Variants in TMEM181 observed in about 807,000 individuals in gnomAD.
The protein encoded by TMEM181 is G protein-coupled receptor 178.
A neutral mutation model predicts 71.9 loss-of-function variants in TMEM181; 39 were observed. The ratio of observed to expected loss-of-function variants is 0.54; its 90% CI spans 0.42 to 0.71. The LOEUF (loss-of-function observed/expected upper bound fraction) is 0.71, where lower values mean the gene tolerates loss of function less well. Among genes scored for constraint, TMEM181 ranks in the 30% least tolerant of loss-of-function variants. TMEM181 has a pLI of 0.00. For missense variants in TMEM181, 595 were observed against 583.0 expected (o/e 1.02, Z -0.21); for synonymous variants, 245 against 228.8 (o/e 1.07, Z -0.64).
In TMEM181 at chr6:158,635,136, GT is replaced by G. The variant is rs1398965144; in HGVS notation, c.*3249del. 1 of 152,140 alleles carries G rather than the reference GT, an allele frequency of 6.6e-6. No individual in the cohort carries two copies. Among genetic ancestry groups the G allele is most frequent in the African/African-American group, 2.4e-5 (1 of 41,434 alleles). 9.4% of individuals were successfully genotyped at this position (152,140 alleles called of 1,614,324 possible). A position where few individuals can be genotyped will look rare whatever the true frequency, so the allele number is the denominator to read the frequency against. The stretch of plus-strand genomic sequence containing the variant: ...TTGGTTTGACATTGGAGATACGCTA[GT>G]AACTGTGATACCATACTATAAAACA... On this transcript the variant is annotated 3_prime_UTR_variant, in exon 17 of 17. Transcript: ENST00000684151.
chr6:158,619,502 C>A (rs983500045), intron 10 of TMEM181, among the ~76,000 whole-genome samples: 1 of 152,162 alleles, frequency 6.6e-6, no homozygotes, highest in Non-Finnish European at 1.5e-5. Context: ...TCTGTCAACT[C>A]GTCAAAGTCA....
intron 1 of TMEM181, among the ~76,000 whole-genome samples, chr6:158,561,367 A>G (rs925372982): frequency 3.3e-5 from 5 of 152,248 alleles, no homozygotes; most frequent in African/African-American, 4.8e-5. Flanking sequence ...TTAAAAGCCA[A>G]GTGGAGGTAG....
chr6:158,594,119 T>C (rs1378984455), intron 6 of TMEM181, among the ~76,000 whole-genome samples: 1 of 121,634 alleles, frequency 8.2e-6, no homozygotes, highest in East Asian at 3.7e-4. Flanking sequence ...TTTTTTTTTT[T>C]TCTGAGACAG....
rs1414462789 is a variant in TMEM181, at chr6:158,632,541, T to G, written c.*653T>G. 1 of 152,478 alleles carries G rather than the reference T, an allele frequency of 6.6e-6. No homozygotes were observed. Among genetic ancestry groups the G allele is most frequent in the East Asian group, 1.9e-4 (1 of 5,190 alleles). 9.4% of individuals were successfully genotyped at this position (152,478 alleles called of 1,614,324 possible). On this transcript the variant is annotated 3_prime_UTR_variant, in exon 17 of 17. Transcript: ENST00000684151. ...AATAGTGTGGAGTTCTGAGGAGGGT[T>G]TGATAAGTTGAATAAGGAAAGGCTA...
intron 6 of TMEM181, among the ~76,000 whole-genome samples, chr6:158,603,112 A>G (rs1420983140): frequency 6.6e-6 from 1 of 152,188 alleles, no homozygotes; most frequent in African/African-American, 2.4e-5. Flanking sequence ...GTTTTCATCA[A>G]ATCGGAAACA....
chr6:158,577,032 A>T (rs1376549135), intron 2 of TMEM181, among the ~76,000 whole-genome samples: 1 of 145,336 alleles, frequency 6.9e-6, no homozygotes, highest in South Asian at 2.2e-4. Flanking sequence ...ACTGCACTCC[A>T]GCCTGGGCAA....
At chr6:158,621,200 T>G (rs1241593320) in intron 10 of TMEM181, among the ~76,000 whole-genome samples, 2 of 152,240 alleles carry the variant, frequency 1.3e-5, no homozygotes, top group Non-Finnish European at 2.9e-5. Flanking sequence ...TGAAGTTTGG[T>G]GCTTACCCAA....
intron 16 of TMEM181, among the ~76,000 whole-genome samples, chr6:158,631,604 C>T (rs574714700): frequency 1.7e-4 from 26 of 152,248 alleles, no homozygotes; most frequent in African/African-American, 6.0e-4. Context: ...GTGCTGGCCA[C>T]GGGAAGAACT....
At chr6:158,606,822 A>G (rs1265944662) in intron 7 of TMEM181, among the ~76,000 whole-genome samples, 1 of 152,200 alleles carries the variant, frequency 6.6e-6, no homozygotes, top group African/African-American at 2.4e-5. Context: ...TGCCGGGAAC[A>G]TGAGGCTCCT....
intron 11 of TMEM181, among the ~76,000 whole-genome samples, chr6:158,624,498 G>A (rs1004741602): frequency 2.6e-5 from 4 of 152,224 alleles, no homozygotes; most frequent in African/African-American, 9.6e-5. Context: ...TCCACCCCGC[G>A]GCCTGGCCCT....
rs1439671180 is a variant in TMEM181 at position 158,632,893 on chromosome 6, C to T, written c.*1005C>T. ...GACCAGCCTGGGCAACACAGGGAGA[C>T]CCCGTCTCTATAAAACATTTAGAAA... On this transcript the variant is annotated 3_prime_UTR_variant, in exon 17 of 17. Coordinates refer to ENST00000684151, the MANE Select transcript of TMEM181 (RefSeq NM_001376852.1). 2 of 152,434 alleles carry T rather than the reference C, an allele frequency of 1.3e-5. No homozygotes were observed. Among genetic ancestry groups the T allele is most frequent in the East Asian group, 3.9e-4 (2 of 5,176 alleles). The allele number at this position is 152,434 out of a possible 1,614,324, so 9.4% of individuals were successfully genotyped here. A position where few individuals can be genotyped will look rare whatever the true frequency, so the allele number is the denominator to read the frequency against.
chr6:158,569,995 A>G (rs1025698220), intron 1 of TMEM181, among the ~76,000 whole-genome samples: 3 of 152,186 alleles, frequency 2.0e-5, no homozygotes, highest in African/African-American at 7.2e-5. Context: ...GTGTTTTTGA[A>G]ATCAAGATTT....
At chr6:158,548,078 G>A (rs539802394) in intron 1 of TMEM181, among the ~76,000 whole-genome samples, 5 of 152,210 alleles carry the variant, frequency 3.3e-5, no homozygotes, top group Admixed American at 6.5e-5. Context: ...CCCCAGGGCT[G>A]CTTGAGGGCC....
At chr6:158,596,637 T>C (rs1002583125) in intron 6 of TMEM181, among the ~76,000 whole-genome samples, 1 of 152,168 alleles carries the variant, frequency 6.6e-6, no homozygotes, top group Non-Finnish European at 1.5e-5. Context: ...TAGTCTGTTT[T>C]CATGCTGCTG....
At chr6:158,555,614 T>A (rs1188247512), upstream of TMEM181, among the ~76,000 whole-genome samples, 1 of 152,232 alleles carries the variant, frequency 6.6e-6, no homozygotes, top group East Asian at 1.9e-4. Flanking sequence ...GAGTTCTGAA[T>A]GTTTCATGAT....
At chr6:158,612,588 A>G (rs1355821433) in intron 10 of TMEM181, among the ~76,000 whole-genome samples, 1 of 152,226 alleles carries the variant, frequency 6.6e-6, no homozygotes, top group African/African-American at 2.4e-5. Context: ...CAAACCAATA[A>G]TTCATTTGGT....
At position 158,560,254 on chromosome 6, in the gene TMEM181, C is replaced by T. The variant is rs1017425286; in HGVS notation, c.8+22C>T. The T allele has an allele frequency of 8.1e-6, 8 of 984,018 alleles. No individual in the cohort carries two copies. In the African/African-American group the frequency reaches 1.2e-4, roughly 15 times the overall value. The allele number at this position is 984,018 out of a possible 1,614,324, so 61.0% of individuals were successfully genotyped here. On this transcript the variant is annotated intron_variant, in intron 1 of 16. Transcript: ENST00000684151. ...AGCCGTGAGTCCCCGGCCGAGCGGG[C>T]GGGCTGGCTGGCTCTCCGGACACTC...
At chr6:158,558,041 A>T (rs1346834102), upstream of TMEM181, among the ~76,000 whole-genome samples, 1 of 152,182 alleles carries the variant, frequency 6.6e-6, no homozygotes, top group African/African-American at 2.4e-5. Flanking sequence ...GTGTTGGGAG[A>T]GGGCTCATGC....
intron 6 of TMEM181, among the ~76,000 whole-genome samples, chr6:158,595,184 T>C (rs890166203): frequency 1.3e-5 from 2 of 152,280 alleles, no homozygotes. Flanking sequence ...CTGGTATAAT[T>C]ATCTGCATTC....
Sources: allele counts gnomAD v4.1 joint callset (sites outside exome capture counted in the v4.1 genomes callset), GRCh38; gene constraint gnomAD v4.1.1; transcripts MANE v1.5; gene names NCBI Gene and HGNC (gene_info 2026-07-23, HGNC 2026-07-21).